Variants in IGSF21 observed in about 807,000 individuals in gnomAD.
The protein encoded by IGSF21 is immunoglobin superfamily member 21.
Under a neutral mutation model 46.8 loss-of-function variants are expected in IGSF21, and 28 were observed. The observed-to-expected ratio is 0.60, with a 90% CI of 0.44 to 0.82. The LOEUF is 0.82. IGSF21 is among the 40% of genes least tolerant of loss of function. The pLI, the probability that IGSF21 is intolerant of heterozygous loss-of-function variation, is 0.00. For synonymous variants in IGSF21, 284 were observed against 273.6 expected (o/e 1.04, Z -0.38); for missense variants, 624 against 665.5 (o/e 0.94, Z 0.69).
chr1:18,329,264 C>A (rs1369972897), intron 3 of IGSF21, among the ~76,000 whole-genome samples: 2 of 152,172 alleles, frequency 1.3e-5, no homozygotes, highest in Non-Finnish European at 2.9e-5. Context: ...CAGTGCAGTG[C>A]CTCCTACTGT....
At chr1:18,333,414 C>T (rs1289829030) in intron 3 of IGSF21, among the ~76,000 whole-genome samples, 2 of 152,222 alleles carry the variant, frequency 1.3e-5, no homozygotes, top group Non-Finnish European at 1.5e-5. Context: ...TTCGCTCTCC[C>T]CACAGAGCTT....
chr1:18,341,329 CTTACCT>C (rs958520887), intron 4 of IGSF21, among the ~76,000 whole-genome samples: 2 of 152,112 alleles, frequency 1.3e-5, no homozygotes, highest in African/African-American at 4.8e-5. Flanking sequence ...GTGACCTCAT[CTTACCT>C]TTAGCACAAT....
intron 2 of IGSF21, among the ~76,000 whole-genome samples, chr1:18,233,071 G>A (rs1382791125): frequency 1.3e-5 from 2 of 152,168 alleles, no homozygotes; most frequent in Non-Finnish European, 2.9e-5. Context: ...AATCATGGGA[G>A]TTTAACCTTT....
chr1:18,192,380 T>G (rs1295432451), intron 1 of IGSF21, among the ~76,000 whole-genome samples: 1 of 152,240 alleles, frequency 6.6e-6, no homozygotes, highest in Non-Finnish European at 1.5e-5. Context: ...AGTTTTCTCA[T>G]CTGCAAGATG....
Position 18,370,785 on chromosome 1 carries a change from AAAG to A in IGSF21, c.1015+5091_1015+5093del, listed in dbSNP as rs1202422970. ...ATGAAAGACTACCCAATTTTTTAAA[AAAG>A]AAAATATACAAATGGCTAATAAACA... On this transcript the variant is annotated intron_variant, in intron 6 of 9. Coordinates refer to ENST00000251296, the MANE Select transcript of IGSF21 (RefSeq NM_032880.5). 7.9e-5 allele frequency among the ~76,000 whole-genome samples: 12 copies of A among 152,210 alleles called. 1 individual carries two copies. Among genetic ancestry groups the A allele is most frequent in the African/African-American group, 2.9e-4 (12 of 41,464 alleles).
intron 3 of IGSF21, among the ~76,000 whole-genome samples, chr1:18,306,145 A>G (rs1213482388): frequency 6.6e-6 from 1 of 152,154 alleles, no homozygotes; most frequent in East Asian, 1.9e-4. Context: ...CCAGTCTCCC[A>G]TCAGGCCTAG....
chr1:18,215,830 A>C (rs11260955), intron 1 of IGSF21, among the ~76,000 whole-genome samples: 146,274 of 152,226 alleles, frequency 0.96, 70,538 homozygotes, highest in East Asian at 1. Context: ...GACATGAGCA[A>C]CCTGGGCTAC....
chr1:18,116,467 A>G (rs1188577078), intron 1 of IGSF21, among the ~76,000 whole-genome samples: 1 of 152,268 alleles, frequency 6.6e-6, no homozygotes, highest in East Asian at 1.9e-4. Flanking sequence ...TGAGTGAGAT[A>G]CAGCAATAAC....
chr1:18,135,646 T>G (rs996797570), intron 1 of IGSF21, among the ~76,000 whole-genome samples: 1 of 152,222 alleles, frequency 6.6e-6, no homozygotes, highest in East Asian at 1.9e-4. Context: ...CACATTTTCT[T>G]AATCCAGTCT....
chr1:18,183,585 C>A lies in IGSF21; in HGVS notation c.71-44313C>A, dbSNP rs2086876543. On this transcript the variant is annotated intron_variant, in intron 1 of 9. Coordinates refer to ENST00000251296, the MANE Select transcript of IGSF21 (RefSeq NM_032880.5). ...ATCATGAGATACGTAACAGCCATCG[C>A]TGTGTAACAGCCAGCCCAAAACTCA... 2.0e-5 allele frequency among the ~76,000 whole-genome samples: 3 copies of A among 150,664 alleles called. No homozygotes were observed. The South Asian group carries it at 6.2e-4, about 31-fold the overall frequency.
At chr1:18,228,992 A>C (rs999046897) in intron 2 of IGSF21, among the ~76,000 whole-genome samples, 3 of 152,164 alleles carry the variant, frequency 2.0e-5, no homozygotes, top group African/African-American at 7.2e-5. Context: ...CATGTGTCAT[A>C]ATTTCTTCTT....
At chr1:18,362,059 C>T in intron 4 of IGSF21, 56 bp from the exon 5 acceptor site, 2 of 1,288,498 alleles carry the variant, frequency 1.6e-6, no homozygotes, top group Non-Finnish European at 2.2e-6. Context: ...CATCAGTGAA[C>T]TCTTCCTGAA....
intron 1 of IGSF21, among the ~76,000 whole-genome samples, chr1:18,158,783 T>C (rs71643493): frequency 4.6e-5 from 7 of 152,304 alleles, no homozygotes; most frequent in Admixed American, 1.3e-4. Flanking sequence ...AAGTACTGGA[T>C]ATGGGTGATA....
chr1:18,128,906 A>G (rs1403377960), intron 1 of IGSF21, among the ~76,000 whole-genome samples: 3 of 151,998 alleles, frequency 2.0e-5, no homozygotes, highest in Non-Finnish European at 2.9e-5. Context: ...ACCTCTGGAC[A>G]GGGTTGGAGC....
At chr1:18,222,940 G>T (rs1169137624) in intron 1 of IGSF21, among the ~76,000 whole-genome samples, 1 of 152,200 alleles carries the variant, frequency 6.6e-6, no homozygotes, top group Admixed American at 6.5e-5. Flanking sequence ...TCCAGGTGTT[G>T]ATTGGTGCTG....
chr1:18,339,602 G>A (rs2085807312), intron 4 of IGSF21, among the ~76,000 whole-genome samples: 4 of 152,124 alleles, frequency 2.6e-5, no homozygotes, highest in Admixed American at 2.6e-4. Context: ...GTATGTGCCT[G>A]TAGTCCCAGC....
rs187723979 is a variant in IGSF21 at position 18,373,527 on chromosome 1, C to T, written c.1016-2783C>T. On this transcript the variant is annotated intron_variant, in intron 6 of 9. Coordinates refer to ENST00000251296, the MANE Select transcript of IGSF21 (RefSeq NM_032880.5). ...GGAGTCAGGGACCATCGGCTGCAAACGCACTTGTCTAGTGGCAGCTGCCAG... is the reference window on the plus strand; with the variant it reads ...GGAGTCAGGGACCATCGGCTGCAAATGCACTTGTCTAGTGGCAGCTGCCAG... 3.3e-5 allele frequency among the ~76,000 whole-genome samples: 5 copies of T among 152,272 alleles called. No homozygotes were observed. In the East Asian group the frequency reaches 9.7e-4, roughly 29 times the overall value.
chr1:18,362,905 T>G (rs936255675), intron 5 of IGSF21, among the ~76,000 whole-genome samples: 3 of 152,176 alleles, frequency 2.0e-5, no homozygotes, highest in African/African-American at 7.2e-5. Flanking sequence ...CTGTACTCAC[T>G]GAACAACCAT....
intron 5 of IGSF21, 80 bp downstream of exon 5, chr1:18,362,310 C>T: frequency 2.0e-6 from 2 of 1,003,622 alleles, no homozygotes; most frequent in Non-Finnish European, 3.0e-6. Context: ...GCAGGTGTCG[C>T]CACTGTGCCT....
Sources: gnomAD v4.1 joint callset for allele counts (sites outside exome capture counted in the v4.1 genomes callset) on GRCh38, gnomAD v4.1.1 for gene constraint, MANE v1.5 for transcripts, NCBI Gene and HGNC (gene_info 2026-07-23, HGNC 2026-07-21) for gene names.